The following THEMIS variants were observed in gnomAD, a reference collection of about 807,000 sequenced individuals.
THEMIS encodes the protein thymocyte selection associated, also known as protein THEMIS.
Under a neutral mutation model 52.6 loss-of-function variants are expected in THEMIS, and 37 were observed. That is an observed-to-expected ratio of 0.70 (90% confidence interval 0.54 to 0.93). The LOEUF (loss-of-function observed/expected upper bound fraction) is 0.93. Among genes scored for constraint, THEMIS ranks in the 40% least tolerant of loss-of-function variants. The probability of loss-of-function intolerance (pLI) is 0.00; values close to 1 mark genes in which losing one functional copy is unlikely to be tolerated. For synonymous variants in THEMIS, 292 were observed against 272.7 expected (o/e 1.07, Z -0.70); for missense variants, 808 against 763.1 (o/e 1.06, Z -0.69).
chr6:127,842,998 T>C (rs1399377476), intron 2 of THEMIS, among the ~76,000 whole-genome samples: 1 of 152,014 alleles, frequency 6.6e-6, no homozygotes, highest in Admixed American at 6.6e-5. Context: ...TCCTGACAAC[T>C]TGATAGATGA....
intron 2 of THEMIS, among the ~76,000 whole-genome samples, chr6:127,831,985 C>A (rs1218475174): frequency 6.6e-6 from 1 of 151,972 alleles, no homozygotes. Context: ...TTCTAAGAGT[C>A]CACAATCATT....
intron 4 of THEMIS, among the ~76,000 whole-genome samples, chr6:127,803,615 C>T (rs1189676931): frequency 6.6e-6 from 1 of 152,082 alleles, no homozygotes; most frequent in African/African-American, 2.4e-5. Context: ...AGTTCTACTT[C>T]CTGAAACTTA....
chr6:127,874,120 A>T (rs1780241481), intron 1 of THEMIS, among the ~76,000 whole-genome samples: 1 of 152,214 alleles, frequency 6.6e-6, no homozygotes, highest in African/African-American at 2.4e-5. Context: ...CACGAGAATG[A>T]GCTCACTTTT....
At chr6:127,755,270 C>T (rs1292240008) in intron 4 of THEMIS, among the ~76,000 whole-genome samples, 1 of 152,118 alleles carries the variant, frequency 6.6e-6, no homozygotes, top group Non-Finnish European at 1.5e-5. Context: ...TTAAAAAATG[C>T]TTAAATACTT....
chr6:127,908,019 C>T (rs1562334197), intron 1 of THEMIS, among the ~76,000 whole-genome samples: 1 of 151,982 alleles, frequency 6.6e-6, no homozygotes, highest in Non-Finnish European at 1.5e-5. Flanking sequence ...TGTCAAAATG[C>T]AACATGCAAA....
intron 4 of THEMIS, among the ~76,000 whole-genome samples, chr6:127,777,544 A>G (rs1427471808): frequency 6.6e-6 from 1 of 152,168 alleles, no homozygotes; most frequent in Non-Finnish European, 1.5e-5. Context: ...TCTTTATTCA[A>G]ACAATTATAT....
chr6:127,806,654 T>C (rs762201207), intron 4 of THEMIS, among the ~76,000 whole-genome samples: 1 of 152,222 alleles, frequency 6.6e-6, no homozygotes, highest in Non-Finnish European at 1.5e-5. Flanking sequence ...TCAGGTGATA[T>C]TTGCGAATAT....
intron 4 of THEMIS, among the ~76,000 whole-genome samples, chr6:127,721,495 T>C (rs1774360946): frequency 6.6e-6 from 1 of 152,036 alleles, no homozygotes; most frequent in Admixed American, 6.6e-5. Context: ...TAGAGTGTGG[T>C]AAGTCATTTG....
chr6:127,863,313 C>G (rs1779868850), intron 1 of THEMIS, among the ~76,000 whole-genome samples: 1 of 152,162 alleles, frequency 6.6e-6, no homozygotes, highest in Non-Finnish European at 1.5e-5. Flanking sequence ...AGTCCCCATA[C>G]AGTATCTGTA....
At chr6:127,775,979 C>G (rs1190649054) in intron 4 of THEMIS, among the ~76,000 whole-genome samples, 2 of 152,032 alleles carry the variant, frequency 1.3e-5, no homozygotes, top group Non-Finnish European at 2.9e-5. Context: ...GTTGTGTTTT[C>G]TTTTCAACTG....
chr6:127,699,254 C>A, the THEMIS span, among the ~76,000 whole-genome samples: 1 of 151,684 alleles, frequency 6.6e-6, no homozygotes, highest in African/African-American at 2.4e-5. Context: ...TTCAGATCTT[C>A]TACTGTCACA....
chr6:127,855,185 G>A lies in THEMIS; in HGVS notation c.95C>T (p.Ser32Phe), dbSNP rs1008958585. ...TTCATTTCCAAACATTTCATAAATA[G>A]AGCCTAAAAGGAAAGAAAAGTTAAA... is the stretch of plus-strand genomic sequence containing the variant. The part of the protein sequence containing the change: ...EIQAGIYLEG[S>F]IYEMFGNECC... The change falls in exon 2 of 6, where the codon TCT becomes TTT. Residue 32 changes from serine (S) to phenylalanine (F), a missense_variant. Ser to Phe is a radical substitution (Grantham distance 155). Coordinates refer to ENST00000368248, the MANE Select transcript of THEMIS (RefSeq NM_001010923.3). The A allele has an allele frequency of 1.6e-5, 26 of 1,585,526 alleles. No homozygotes were observed. The highest frequency in any genetic ancestry group is 2.1e-5 in the Non-Finnish European group (24 of 1,169,978).
chr6:127,760,568 T>C (rs12665648), intron 4 of THEMIS, among the ~76,000 whole-genome samples: 2 of 151,988 alleles, frequency 1.3e-5, no homozygotes, highest in African/African-American at 2.4e-5. Context: ...GAGGACTACT[T>C]GAGGCTAGGA....
At chr6:127,833,586 T>C (rs772337642) in intron 2 of THEMIS, among the ~76,000 whole-genome samples, 1 of 152,146 alleles carries the variant, frequency 6.6e-6, no homozygotes, top group Non-Finnish European at 1.5e-5. Flanking sequence ...GAGAATAACA[T>C]GTTTATGGGT....
intron 1 of THEMIS, among the ~76,000 whole-genome samples, chr6:127,887,001 C>T (rs958662392): frequency 6.6e-5 from 10 of 151,554 alleles, no homozygotes; most frequent in African/African-American, 2.4e-4. Context: ...CATGAGCCCT[C>T]CCCTACCTCC....
At chr6:127,713,379 G>A (rs913569688) in intron 5 of THEMIS, among the ~76,000 whole-genome samples, 2 of 151,808 alleles carry the variant, frequency 1.3e-5, no homozygotes, top group East Asian at 1.9e-4. Flanking sequence ...AATCTGTCAA[G>A]CACAAGATAG....
intron 4 of THEMIS, among the ~76,000 whole-genome samples, chr6:127,729,874 C>CT (rs1266285831): frequency 1.3e-5 from 2 of 152,202 alleles, no homozygotes; most frequent in Non-Finnish European, 2.9e-5. Flanking sequence ...GTTAATCACT[C>CT]TAAGTCATGA....
chr6:127,783,931 G>A (rs1287330460), intron 4 of THEMIS, among the ~76,000 whole-genome samples: 1 of 152,242 alleles, frequency 6.6e-6, no homozygotes, highest in Middle Eastern at 3.4e-3. Context: ...AAAGGCACAT[G>A]CACACGTATG....
At chr6:127,872,004 A>G (rs2114387167) in intron 1 of THEMIS, among the ~76,000 whole-genome samples, 1 of 151,708 alleles carries the variant, frequency 6.6e-6, no homozygotes, top group Middle Eastern at 3.4e-3. Context: ...TCAAAAAAAT[A>G]AACAAATAAA....
Sources: allele counts gnomAD v4.1 joint callset (sites outside exome capture counted in the v4.1 genomes callset), GRCh38; gene constraint gnomAD v4.1.1; transcripts MANE v1.5; gene names NCBI Gene and HGNC (gene_info 2026-07-23, HGNC 2026-07-21).